The following RELL1 variants were observed in gnomAD, a reference collection of about 807,000 sequenced individuals.
RELL1 encodes RELT like 1, also known as RELT-like protein 1.
A neutral mutation model predicts 23.0 loss-of-function variants in RELL1; 10 were observed. That is an observed-to-expected ratio of 0.43 (90% CI 0.27 to 0.74). The LOEUF is 0.74. Among genes scored for constraint, RELL1 ranks in the 30% least tolerant of loss-of-function variants. RELL1 has a pLI of 0.19. For missense variants in RELL1, 315 were observed against 364.4 expected, an observed-to-expected ratio of 0.86 and a Z score of 1.10; for synonymous variants, 146 against 146.8, an observed-to-expected ratio of 0.99 and a Z score of 0.04.
At chr4:37,677,260 A>G (rs1052576005) in intron 1 of RELL1, among the ~76,000 whole-genome samples, 2 of 152,258 alleles carry the variant, frequency 1.3e-5, no homozygotes, top group Admixed American at 1.3e-4. Flanking sequence ...ATCCACTTCC[A>G]TAGACAGTCT....
At chr4:37,593,836 G>A (rs896588875) in intron 6 of RELL1, among the ~76,000 whole-genome samples, 5 of 152,098 alleles carry the variant, frequency 3.3e-5, no homozygotes, top group Non-Finnish European at 4.4e-5. Flanking sequence ...CCTTTGGTCC[G>A]GGGGAAGGAG....
Position 37,634,972 on chromosome 4 carries a change from G to A in RELL1, c.595C>T (p.Arg199Trp), listed in dbSNP as rs537739174. The change falls in exon 5 of 7, where the codon CGG (arginine) becomes TGG (tryptophan). Residue 199 changes from arginine to tryptophan, a missense_variant. Coordinates refer to ENST00000454158, the MANE Select transcript of RELL1 (RefSeq NM_001085400.2). ...RDVCHRCRHK[R>W]WHFIKPTNKS... ...TTAGTGGGCTTTATAAAGTGCCACC[G>A]CTTGTGCCTACACCGATGACACACA... The A allele has an allele frequency of 5.0e-5, 80 of 1,614,202 alleles. No homozygotes were observed. Among genetic ancestry groups the A allele is most frequent in the South Asian group, 6.6e-5 (6 of 91,082 alleles).
chr4:37,641,272 T>C (rs905568815), intron 3 of RELL1, among the ~76,000 whole-genome samples: 1 of 152,176 alleles, frequency 6.6e-6, no homozygotes, highest in Non-Finnish European at 1.5e-5. Flanking sequence ...TACAGGTACA[T>C]ACCCACATGT....
chr4:37,623,718 T>A (rs1251217685), intron 6 of RELL1, among the ~76,000 whole-genome samples: 1 of 152,106 alleles, frequency 6.6e-6, no homozygotes, highest in African/African-American at 2.4e-5. Context: ...ACGGCAGGCA[T>A]CACGGCACTA....
At chr4:37,674,099 C>T (rs1395352453) in intron 1 of RELL1, among the ~76,000 whole-genome samples, 1 of 152,238 alleles carries the variant, frequency 6.6e-6, no homozygotes, top group African/African-American at 2.4e-5. Flanking sequence ...GTCTCCCTCC[C>T]TTTGATCCCA....
intron 1 of RELL1, among the ~76,000 whole-genome samples, chr4:37,674,693 A>G (rs916175381): frequency 6.6e-6 from 1 of 152,214 alleles, no homozygotes. Flanking sequence ...AGCTATGAAG[A>G]ACTGTTAGAA....
At chr4:37,636,717 G>A (rs1720344887) in intron 4 of RELL1, among the ~76,000 whole-genome samples, 1 of 152,172 alleles carries the variant, frequency 6.6e-6, no homozygotes, top group South Asian at 2.1e-4. Flanking sequence ...AAACTGAGCA[G>A]GAATCAGCCC....
chr4:37,645,404 T>C (rs957455200), intron 3 of RELL1, among the ~76,000 whole-genome samples: 1 of 152,156 alleles, frequency 6.6e-6, no homozygotes. Flanking sequence ...TTTTTTTTCA[T>C]ATAAAAGAAA....
intron 6 of RELL1, among the ~76,000 whole-genome samples, chr4:37,602,791 A>G (rs568775216): frequency 6.6e-6 from 1 of 152,190 alleles, no homozygotes; most frequent in African/African-American, 2.4e-5. Context: ...GTGGGGCTCA[A>G]ACGCAACAGC....
intron 5 of RELL1, among the ~76,000 whole-genome samples, chr4:37,633,402 C>A (rs939794888): frequency 9.7e-6 from 1 of 103,154 alleles, no homozygotes; most frequent in African/African-American, 3.7e-5. Flanking sequence ...GAGTGAGACT[C>A]CACCTCAAAA....
downstream of RELL1, chr4:37,590,742 G>C (rs768318711): frequency 6.8e-6 from 11 of 1,614,188 alleles, 1 homozygote; most frequent in Non-Finnish European, 7.6e-6. Context: ...AGCATGGTTT[G>C]AATACGCCCT....
At chr4:37,608,445 G>A (rs1274154959), downstream of RELL1, among the ~76,000 whole-genome samples, 3 of 152,076 alleles carry the variant, frequency 2.0e-5, no homozygotes, top group Non-Finnish European at 2.9e-5. Context: ...TTGCTGATAC[G>A]GAGACAGATT....
intron 1 of RELL1, chr4:37,665,340 G>T (rs1213441990): frequency 4.4e-6 from 2 of 453,430 alleles, no homozygotes; most frequent in African/African-American, 4.0e-5. Flanking sequence ...ATACCAGCAT[G>T]CTCCTGGGTT....
chr4:37,598,252 CAAAAAAAAAAAAAAAAAA>C (rs56142508), intron 6 of RELL1, among the ~76,000 whole-genome samples: 2 of 11,336 alleles, frequency 1.8e-4, no homozygotes, highest in East Asian at 1.3e-3. Context: ...AACTCTGTCT[CAAAAAAAAAAAAAAAAAA>C]AAAAAAAAAA....
At chr4:37,626,188 TAAAAATAGACCGGGC>T (rs1269287577) in intron 6 of RELL1, among the ~76,000 whole-genome samples, 2 of 151,956 alleles carry the variant, frequency 1.3e-5, no homozygotes, top group Non-Finnish European at 2.9e-5. Context: ...TAACAAAAAT[TAAAAATAGACCGGGC>T]ACAGTGGCTT....
chr4:37,609,085 G>C (rs1196907590), downstream of RELL1, among the ~76,000 whole-genome samples: 2 of 152,226 alleles, frequency 1.3e-5, no homozygotes, highest in African/African-American at 2.4e-5. Context: ...TTTGGAAGGA[G>C]ATGACATCTA....
chr4:37,664,545 G>T (rs1316086148), intron 1 of RELL1, among the ~76,000 whole-genome samples: 1 of 151,948 alleles, frequency 6.6e-6, no homozygotes, highest in African/African-American at 2.4e-5. Flanking sequence ...AACATAATTT[G>T]TACTAGCAAT....
chr4:37,680,838 G>A lies in RELL1; in HGVS notation c.88+5362C>T, dbSNP rs537141346. Among the ~76,000 whole-genome samples, 80 of 151,690 alleles carry A rather than the reference G, an allele frequency of 5.3e-4. No homozygotes were observed. The South Asian group carries it at 0.013, about 25-fold the overall frequency. On this transcript the variant is annotated intron_variant, in intron 1 of 6. Transcript: ENST00000454158. ...TCCCAGCTACTTGGGAGGCTGAGGCGGGAGAATGGCATGAACCCTGGAGGC... is the reference window on the plus strand; with the variant it reads ...TCCCAGCTACTTGGGAGGCTGAGGCAGGAGAATGGCATGAACCCTGGAGGC...
At chr4:37,600,468 G>C (rs1028537932) in intron 6 of RELL1, among the ~76,000 whole-genome samples, 4 of 151,796 alleles carry the variant, frequency 2.6e-5, no homozygotes, top group African/African-American at 9.7e-5. Context: ...ATTAATAATC[G>C]TCTAAAGGCA....
Sources: allele counts gnomAD v4.1 joint callset (sites outside exome capture counted in the v4.1 genomes callset), GRCh38; gene constraint gnomAD v4.1.1; transcripts MANE v1.5; gene names NCBI Gene and HGNC (gene_info 2026-07-23, HGNC 2026-07-21).